Variants in DNM3 observed in about 807,000 individuals in gnomAD.
DNM3 encodes dynamin 3, also known as dynamin-3.
Under a neutral mutation model 101.6 loss-of-function variants are expected in DNM3, and 47 were observed. The ratio of observed to expected loss-of-function variants is 0.46; its 90% CI spans 0.37 to 0.59. DNM3 has a LOEUF of 0.59. Ranked by LOEUF, DNM3 falls within the 20% of genes least tolerant of loss-of-function variation. The pLI is 0.00. For missense variants in DNM3, 849 were observed against 1,085.7 expected, an observed-to-expected ratio of 0.78 and a Z score of 3.06; for synonymous variants, 385 against 387.9, an observed-to-expected ratio of 0.99 and a Z score of 0.09.
chr1:172,156,945 T>C (rs1238785773), intron 14 of DNM3, among the ~76,000 whole-genome samples: 1 of 152,054 alleles, frequency 6.6e-6, no homozygotes, highest in Non-Finnish European at 1.5e-5. Context: ...ATAGAACCTT[T>C]CTCATAGAGC....
intron 8 of DNM3, among the ~76,000 whole-genome samples, chr1:172,043,170 A>G (rs1021290907): frequency 1.3e-5 from 2 of 152,212 alleles, no homozygotes; most frequent in Non-Finnish European, 2.9e-5. Flanking sequence ...GGTTTTGGAG[A>G]TAAAGTTGCT....
rs2149131096 is a variant in DNM3, at chr1:172,408,273, TGTC to T, written c.*433_*435del. The T allele has an allele frequency of 1.0e-6, 1 of 991,274 alleles. No individual in the cohort carries two copies. Among genetic ancestry groups the T allele is most frequent in the South Asian group, 4.6e-5 (1 of 21,658 alleles). The allele number at this position is 991,274 out of a possible 1,614,324, so 61.4% of individuals were successfully genotyped here. On this transcript the variant is annotated 3_prime_UTR_variant, in exon 21 of 21. Transcript: ENST00000627582. ...CTGTTTAGGATGACAGTAATTCTGT[TGTC>T]TACCATTAATGCTACTACCTACTCC...
Position 172,408,002 on chromosome 1 carries a change from A to G in DNM3, c.*161A>G. 1 of 1,477,238 alleles carries G rather than the reference A, an allele frequency of 6.8e-7. No homozygotes were observed. The highest frequency in any genetic ancestry group is 9.0e-7 in the Non-Finnish European group (1 of 1,114,818). The allele number at this position is 1,477,238 out of a possible 1,614,324, so 91.5% of individuals were successfully genotyped here. A position where few individuals can be genotyped will look rare whatever the true frequency, so the allele number is the denominator to read the frequency against. Reference sequence around the variant, plus strand: ...ATCGCTCATCTTCATTGCTCATGGTATGTCAAACCTTTGGGGTTTGACTCA... The same window carrying G: ...ATCGCTCATCTTCATTGCTCATGGTGTGTCAAACCTTTGGGGTTTGACTCA... On this transcript the variant is annotated 3_prime_UTR_variant, in exon 21 of 21. Coordinates refer to ENST00000627582, the MANE Select transcript of DNM3 (RefSeq NM_015569.5).
intron 18 of DNM3, among the ~76,000 whole-genome samples, chr1:172,382,057 C>A (rs2068939395): frequency 6.6e-6 from 1 of 152,156 alleles, no homozygotes; most frequent in Non-Finnish European, 1.5e-5. Context: ...TTCTGCCACT[C>A]AAATCTCCAT....
intron 20 of DNM3, among the ~76,000 whole-genome samples, chr1:172,407,175 G>C (rs1037236914): frequency 1.3e-5 from 2 of 149,950 alleles, no homozygotes; most frequent in Non-Finnish European, 3.0e-5. Context: ...AAGTCTTTAA[G>C]ACCCAAAATA....
chr1:171,952,963 C>G (rs1165609891), intron 2 of DNM3, among the ~76,000 whole-genome samples: 1 of 151,998 alleles, frequency 6.6e-6, no homozygotes, highest in Admixed American at 6.6e-5. Context: ...TTTATTCTCT[C>G]AATTCAGAGA....
At chr1:172,394,705 A>G (rs1573727842) in intron 20 of DNM3, among the ~76,000 whole-genome samples, 2 of 152,222 alleles carry the variant, frequency 1.3e-5, no homozygotes, top group Non-Finnish European at 2.9e-5. Flanking sequence ...CCTGACTGAT[A>G]GAGGAAAACA....
At chr1:172,212,454 G>A (rs753083107) in intron 14 of DNM3, among the ~76,000 whole-genome samples, 2 of 152,078 alleles carry the variant, frequency 1.3e-5, no homozygotes, top group Non-Finnish European at 2.9e-5. Context: ...TTCATATGAC[G>A]GAAAATAGCT....
At chr1:172,162,225 GT>G (rs779407362) in intron 14 of DNM3, among the ~76,000 whole-genome samples, 2 of 151,964 alleles carry the variant, frequency 1.3e-5, no homozygotes, top group Non-Finnish European at 2.9e-5. Flanking sequence ...TATTTATACA[GT>G]TTTTTCTAAT....
At chr1:172,155,493 C>G (rs2058302304) in intron 14 of DNM3, among the ~76,000 whole-genome samples, 1 of 151,966 alleles carries the variant, frequency 6.6e-6, no homozygotes, top group South Asian at 2.1e-4. Context: ...GTTAGTTTTA[C>G]TATTGTAACT....
At chr1:172,182,901 G>A (rs2059397325) in intron 14 of DNM3, among the ~76,000 whole-genome samples, 1 of 152,114 alleles carries the variant, frequency 6.6e-6, no homozygotes, top group Non-Finnish European at 1.5e-5. Flanking sequence ...TTGAGAGTAA[G>A]TATTGATAAT....
intron 1 of DNM3, among the ~76,000 whole-genome samples, chr1:171,901,279 G>T (rs1180429365): frequency 2.0e-5 from 3 of 151,898 alleles, no homozygotes; most frequent in African/African-American, 7.3e-5. Flanking sequence ...CAGCATTTTC[G>T]CACTCTTGAT....
At chr1:172,066,394 C>T (rs563174018) in intron 10 of DNM3, among the ~76,000 whole-genome samples, 1 of 152,312 alleles carries the variant, frequency 6.6e-6, no homozygotes, top group African/African-American at 2.4e-5. Flanking sequence ...TAAGGGCCTT[C>T]TTGCTGGTGC....
intron 15 of DNM3, among the ~76,000 whole-genome samples, chr1:172,278,474 T>C (rs1211532599): frequency 6.6e-6 from 1 of 152,144 alleles, no homozygotes; most frequent in African/African-American, 2.4e-5. Context: ...TACGAATTCA[T>C]GTTGGACCAC....
intron 13 of DNM3, among the ~76,000 whole-genome samples, chr1:172,106,197 G>C (rs1278682233): frequency 6.6e-6 from 1 of 152,124 alleles, no homozygotes; most frequent in Non-Finnish European, 1.5e-5. Flanking sequence ...AAGGCAGGCA[G>C]ACCATTTGAG....
intron 5 of DNM3, 144 bp from the exon 6 acceptor site, chr1:172,032,961 C>T (rs1303250715): frequency 3.1e-6 from 3 of 972,394 alleles, no homozygotes; most frequent in Non-Finnish European, 4.5e-6. Context: ...CTGATGTTTC[C>T]CATTGAGTTT....
intron 14 of DNM3, among the ~76,000 whole-genome samples, chr1:172,184,763 A>T (rs2059464947): frequency 6.6e-6 from 1 of 152,068 alleles, no homozygotes; most frequent in Non-Finnish European, 1.5e-5. Flanking sequence ...CTCATTGCAG[A>T]CTTGGGTTTG....
chr1:172,192,272 G>A (rs1476723437), intron 14 of DNM3, among the ~76,000 whole-genome samples: 1 of 151,742 alleles, frequency 6.6e-6, no homozygotes, highest in Non-Finnish European at 1.5e-5. Flanking sequence ...TTTGTCTTTG[G>A]TTCTGTTTAT....
chr1:171,955,470 A>C (rs1239199626), intron 2 of DNM3, among the ~76,000 whole-genome samples: 8 of 152,186 alleles, frequency 5.3e-5, no homozygotes, highest in Non-Finnish European at 7.4e-5. Context: ...AATATGAGAT[A>C]GTTTTGGCCC....
Sources: allele counts gnomAD v4.1 joint callset (sites outside exome capture counted in the v4.1 genomes callset), GRCh38; gene constraint gnomAD v4.1.1; transcripts MANE v1.5; gene names NCBI Gene and HGNC (gene_info 2026-07-23, HGNC 2026-07-21).